Variants in MRM1 observed in about 807,000 individuals in gnomAD.
MRM1 encodes mitochondrial rRNA methyltransferase 1, also known as rRNA methyltransferase 1, mitochondrial.
MRM1 carries 24 observed loss-of-function variants against 25.0 expected under a neutral mutation model. That is an observed-to-expected ratio of 0.96 (90% confidence interval 0.69 to 1.35). The LOEUF is 1.35. MRM1 is among the 40% of genes most tolerant of loss of function. The pLI is 0.00. For missense variants in MRM1, 431 were observed against 464.1 expected (o/e 0.93, Z 0.65); for synonymous variants, 188 against 199.2 (o/e 0.94, Z 0.47).
chr17:36,602,432 C>T lies in MRM1; in HGVS notation c.542+80C>T. The T allele has an allele frequency of 1.9e-6, 3 of 1,568,320 alleles. No individual in the cohort carries two copies. The highest frequency in any genetic ancestry group is 2.6e-6 in the Non-Finnish European group (3 of 1,153,740). On this transcript the variant is annotated intron_variant, in intron 1 of 4. Transcript: ENST00000614766. The surrounding 1 kb of genome is among the most constrained non-coding windows in gnomAD (Gnocchi z 4.1). ...CTAAGCACCTTGGCCCTTGGGTGATCCCTTAGCCAGACTTACCTGTCCCAG... is the reference window on the plus strand; with the variant it reads ...CTAAGCACCTTGGCCCTTGGGTGATTCCTTAGCCAGACTTACCTGTCCCAG...
At chr17:36,623,889 G>T in the MRM1 span, among the ~76,000 whole-genome samples, 1 of 152,152 alleles carries the variant, frequency 6.6e-6, no homozygotes, top group Non-Finnish European at 1.5e-5. Flanking sequence ...TGCCCGGTGG[G>T]AAGGGGCACT....
At chr17:36,621,300 C>T in the MRM1 span, among the ~76,000 whole-genome samples, 3 of 152,156 alleles carry the variant, frequency 2.0e-5, no homozygotes, top group Non-Finnish European at 4.4e-5. Context: ...TTATCTCCTA[C>T]TGAGGGCTGG....
intron 2 of MRM1, among the ~76,000 whole-genome samples, chr17:36,604,491 A>T (rs1219097894): frequency 6.6e-6 from 1 of 152,054 alleles, no homozygotes; most frequent in Non-Finnish European, 1.5e-5. Flanking sequence ...TAGTCCTCGG[A>T]TCTCTTTTGT....
chr17:36,618,232 A>G, the MRM1 span, among the ~76,000 whole-genome samples: 1 of 152,150 alleles, frequency 6.6e-6, no homozygotes, highest in Admixed American at 6.5e-5. Context: ...CTGGGGGCAG[A>G]GGGCCTCTAA....
the MRM1 span, among the ~76,000 whole-genome samples, chr17:36,626,967 C>A: frequency 1.3e-5 from 2 of 152,210 alleles, no homozygotes; most frequent in African/African-American, 2.4e-5. Context: ...CCCCAGCCCC[C>A]AAATCCCCAC....
At chr17:36,625,606 T>A in the MRM1 span, among the ~76,000 whole-genome samples, 1 of 151,578 alleles carries the variant, frequency 6.6e-6, no homozygotes, top group Admixed American at 6.6e-5. Context: ...GGATTACAAG[T>A]GCCCACGACC....
At chr17:36,609,930 GCTC>G (rs1167107726), downstream of MRM1, among the ~76,000 whole-genome samples, 1 of 152,150 alleles carries the variant, frequency 6.6e-6, no homozygotes, top group Non-Finnish European at 1.5e-5. Flanking sequence ...AAGGGCCTAT[GCTC>G]CTTTTTTTTT....
chr17:36,625,619 G>A, the MRM1 span, among the ~76,000 whole-genome samples: 1 of 151,604 alleles, frequency 6.6e-6, no homozygotes, highest in African/African-American at 2.4e-5. Context: ...CCACGACCAC[G>A]CCTGGCTAAT....
Position 36,602,476 on chromosome 17 carries a change from C to A in MRM1, c.543-77C>A, listed in dbSNP as rs2074886325. The A allele has an allele frequency of 3.1e-6, 5 of 1,605,016 alleles. No homozygotes were observed. The highest frequency in any genetic ancestry group is 4.3e-6 in the Non-Finnish European group (5 of 1,173,414). On this transcript the variant is annotated intron_variant, in intron 1 of 4. Transcript: ENST00000614766. This position sits in a 1 kb window ranked among gnomAD's most constrained non-coding sequence, Gnocchi z 4.1. ...GTCCCAGAACTCTCATCCCCCTAGC[C>A]CTTGGGAGCCCTGGGAGGGTAGGGA...
chr17:36,627,674 G>GTTTTCT, the MRM1 span, among the ~76,000 whole-genome samples: 1 of 83,714 alleles, frequency 1.2e-5, no homozygotes, highest in African/African-American at 5.0e-5. Flanking sequence ...TTTGGACACT[G>GTTTTCT]TTTTTTTTTT....
downstream of MRM1, among the ~76,000 whole-genome samples, chr17:36,610,433 C>T (rs373492713): frequency 5.3e-5 from 8 of 152,066 alleles, no homozygotes; most frequent in Non-Finnish European, 1.2e-4. Flanking sequence ...GGGGTTTCAC[C>T]GTGTTAGCCA....
the MRM1 span, among the ~76,000 whole-genome samples, chr17:36,618,036 T>G: frequency 6.6e-6 from 1 of 152,154 alleles, no homozygotes. Context: ...GCAGAATTGG[T>G]GCTGAGGTCC....
At chr17:36,612,964 A>G (rs888318251), downstream of MRM1, among the ~76,000 whole-genome samples, 22 of 152,140 alleles carry the variant, frequency 1.4e-4, 1 homozygote, top group Non-Finnish European at 2.4e-4. Context: ...GCAGTGCACA[A>G]TGATTTACCA....
chr17:36,603,899 G>C (rs914662947), intron 2 of MRM1, among the ~76,000 whole-genome samples: 3 of 152,094 alleles, frequency 2.0e-5, no homozygotes, highest in African/African-American at 7.2e-5. Context: ...AGCCTGATAG[G>C]AGATGAGGTT....
At chr17:36,632,918 C>T in the MRM1 span, among the ~76,000 whole-genome samples, 36 of 152,200 alleles carry the variant, frequency 2.4e-4, no homozygotes, top group South Asian at 7.5e-3. Flanking sequence ...GGGCACACAG[C>T]CGTAAAATGG....
intron 4 of MRM1, 33 bp from the exon 5 acceptor site, chr17:36,608,210 G>T (rs764164537): frequency 6.5e-7 from 1 of 1,538,222 alleles, no homozygotes; most frequent in African/African-American, 1.4e-5. Context: ...CTTCTCCTCC[G>T]TCCTCTCTTC....
At chr17:36,618,448 T>C in the MRM1 span, among the ~76,000 whole-genome samples, 2 of 152,138 alleles carry the variant, frequency 1.3e-5, no homozygotes, top group Admixed American at 6.6e-5. Flanking sequence ...ACAGGGGGAC[T>C]GTAAACAAAG....
At chr17:36,627,679 T>G in the MRM1 span, among the ~76,000 whole-genome samples, 4 of 110,644 alleles carry the variant, frequency 3.6e-5, no homozygotes, top group Middle Eastern at 3.8e-3. Flanking sequence ...ACACTGTTTT[T>G]TTTTTTTTTT....
chr17:36,617,555 C>T, the MRM1 span, among the ~76,000 whole-genome samples: 1 of 152,054 alleles, frequency 6.6e-6, no homozygotes, highest in Non-Finnish European at 1.5e-5. Context: ...ACAACCACAC[C>T]TGTCTAATTT....
Sources: gnomAD v4.1 joint callset for allele counts (sites outside exome capture counted in the v4.1 genomes callset) on GRCh38, gnomAD v4.1.1 for gene constraint, Gnocchi (gnomAD v3.1) non-coding constraint, MANE v1.5 for transcripts, NCBI Gene and HGNC (gene_info 2026-07-23, HGNC 2026-07-21) for gene names.